RAI14: variants seen among roughly 807,000 people sequenced by gnomAD.
The protein encoded by RAI14 is ankycorbin.
A neutral mutation model predicts 115.4 loss-of-function variants in RAI14; 45 were observed. The observed-to-expected ratio is 0.39, with a 90% CI of 0.31 to 0.50. The LOEUF (loss-of-function observed/expected upper bound fraction) is 0.50, where lower values mean the gene tolerates loss of function less well. Among genes scored for constraint, RAI14 ranks in the 20% least tolerant of loss-of-function variants. The probability of loss-of-function intolerance (pLI) is 0.85; values close to 1 mark genes in which losing one functional copy is unlikely to be tolerated. For synonymous variants in RAI14, 371 were observed against 415.4 expected (o/e 0.89, Z 1.30); for missense variants, 939 against 1,131.2 (o/e 0.83, Z 2.44).
Position 34,827,536 on chromosome 5 carries a change from T to C in RAI14, c.2799+1057T>C, listed in dbSNP as rs112075515. 2.0e-5 allele frequency among the ~76,000 whole-genome samples: 3 copies of C among 152,320 alleles called. No individual in the cohort carries two copies. The highest frequency in any genetic ancestry group is 7.2e-5 in the African/African-American group (3 of 41,572). Reference sequence around the variant, plus strand: ...AACAGAACATGGATTTGATGATTTCTTCGGAATAGACCTAACTGTAGTGAA... The same window carrying C: ...AACAGAACATGGATTTGATGATTTCCTCGGAATAGACCTAACTGTAGTGAA... On this transcript the variant is annotated intron_variant, in intron 16 of 17. Coordinates refer to ENST00000265109, the MANE Select transcript of RAI14 (RefSeq NM_015577.3). The surrounding 1 kb of genome is among the most constrained non-coding windows in gnomAD (Gnocchi z 4.2).
intron 3 of RAI14, among the ~76,000 whole-genome samples, chr5:34,780,220 A>G (rs1364459613): frequency 6.6e-6 from 1 of 152,222 alleles, no homozygotes; most frequent in Non-Finnish European, 1.5e-5. Context: ...ACAAAAATTA[A>G]TTCAAGATGG....
chr5:34,673,263 G>A (rs1161965959), intron 1 of RAI14, among the ~76,000 whole-genome samples: 1 of 152,188 alleles, frequency 6.6e-6, no homozygotes, highest in East Asian at 1.9e-4. Flanking sequence ...TGACTGCACT[G>A]ATGTTAGAGG....
chr5:34,681,313 G>C (rs1278719562), intron 1 of RAI14, among the ~76,000 whole-genome samples: 1 of 152,200 alleles, frequency 6.6e-6, no homozygotes, highest in Non-Finnish European at 1.5e-5. Context: ...GACAAGGAGA[G>C]AAGGAGTGTA....
At chr5:34,809,911 T>C (rs1026441244) in intron 7 of RAI14, among the ~76,000 whole-genome samples, 1 of 152,190 alleles carries the variant, frequency 6.6e-6, no homozygotes, top group African/African-American at 2.4e-5. Context: ...TATATACCTA[T>C]CACATGGTTC....
At chr5:34,781,816 C>T (rs943030018) in intron 3 of RAI14, among the ~76,000 whole-genome samples, 2 of 152,172 alleles carry the variant, frequency 1.3e-5, no homozygotes, top group Non-Finnish European at 2.9e-5. Flanking sequence ...AACCCAGCAG[C>T]ACTAGAGGAA....
intron 12 of RAI14, among the ~76,000 whole-genome samples, chr5:34,816,275 GT>G (rs1217898398): frequency 6.6e-6 from 1 of 151,998 alleles, no homozygotes; most frequent in Non-Finnish European, 1.5e-5. Flanking sequence ...AAGTGCTAAA[GT>G]TTTTTTAAAA....
At chr5:34,682,622 A>G (rs1244271892) in intron 1 of RAI14, among the ~76,000 whole-genome samples, 4 of 152,146 alleles carry the variant, frequency 2.6e-5, no homozygotes, top group African/African-American at 7.2e-5. Context: ...TTCTGTGATG[A>G]GTGGTGGCCA....
At chr5:34,736,237 C>G (rs928921782) in intron 2 of RAI14, among the ~76,000 whole-genome samples, 1 of 152,150 alleles carries the variant, frequency 6.6e-6, no homozygotes, top group Non-Finnish European at 1.5e-5. Context: ...CCCGTCTCTA[C>G]TAAAACTACA....
intron 14 of RAI14, 32 bp downstream of exon 14, chr5:34,821,882 C>A: frequency 8.2e-7 from 1 of 1,226,314 alleles, no homozygotes; most frequent in Non-Finnish European, 1.2e-6. Context: ...ATGGACTATT[C>A]TGTAGAGTCA....
chr5:34,821,968 T>G (rs1178169235), intron 14 of RAI14, 118 bp downstream of exon 14: 1 of 533,042 alleles, frequency 1.9e-6, no homozygotes, highest in African/African-American at 1.9e-5. Flanking sequence ...ATATTAGCTT[T>G]AAGCATCTTA....
intron 2 of RAI14, among the ~76,000 whole-genome samples, chr5:34,753,928 A>AT (rs1554052142): frequency 1.3e-5 from 2 of 150,944 alleles, no homozygotes; most frequent in Non-Finnish European, 3.0e-5. Context: ...AAAAAAAAAA[A>AT]AAATTAGCCA....
chr5:34,757,378 G>T (rs868687300), intron 2 of RAI14, 90 bp from the exon 3 acceptor site: 1 of 1,405,328 alleles, frequency 7.1e-7, no homozygotes, highest in African/African-American at 1.4e-5. Context: ...AGTGACAGGA[G>T]GGTGGGGGCT....
chr5:34,801,704 G>A (rs1213190225), intron 4 of RAI14, among the ~76,000 whole-genome samples: 1 of 151,700 alleles, frequency 6.6e-6, no homozygotes, highest in East Asian at 1.9e-4. Context: ...TGGTGCCACT[G>A]CACTCCGGCC....
chr5:34,765,808 C>T (rs754083526), intron 3 of RAI14, among the ~76,000 whole-genome samples: 2 of 152,196 alleles, frequency 1.3e-5, no homozygotes, highest in African/African-American at 2.4e-5. Context: ...ACCTTCACGG[C>T]AGCCTCTCCC....
intron 2 of RAI14, among the ~76,000 whole-genome samples, chr5:34,737,343 C>T (rs957010419): frequency 7.9e-5 from 12 of 151,948 alleles, no homozygotes; most frequent in African/African-American, 2.2e-4. Context: ...GTAGTATTAG[C>T]GTAAAATTTT....
At chr5:34,740,331 A>G (rs1745348802) in intron 2 of RAI14, among the ~76,000 whole-genome samples, 1 of 152,182 alleles carries the variant, frequency 6.6e-6, no homozygotes, top group South Asian at 2.1e-4. Context: ...ACAAGACCAC[A>G]CGCTAGAGTT....
intron 1 of RAI14, among the ~76,000 whole-genome samples, chr5:34,670,512 T>A (rs1323891414): frequency 1.3e-5 from 2 of 152,214 alleles, no homozygotes; most frequent in African/African-American, 4.8e-5. Flanking sequence ...GGATAGCTAT[T>A]GTGGCTGTTA....
chr5:34,817,236 C>T (rs1756345741), intron 12 of RAI14, among the ~76,000 whole-genome samples: 2 of 137,690 alleles, frequency 1.5e-5, no homozygotes, highest in Admixed American at 1.7e-4. Flanking sequence ...AACATTGTGC[C>T]ACTGCACTCC....
In RAI14 at chr5:34,831,919, C is replaced by T. The variant is rs1411391969; in HGVS notation, c.*1154C>T. The T allele has an allele frequency of 2.0e-5, 3 of 152,122 alleles. No homozygotes were observed. The highest frequency in any genetic ancestry group is 4.4e-5 in the Non-Finnish European group (3 of 68,030). The allele number at this position is 152,122 out of a possible 1,614,324, so 9.4% of individuals were successfully genotyped here. On this transcript the variant is annotated 3_prime_UTR_variant, in exon 18 of 18. Coordinates refer to ENST00000265109, the MANE Select transcript of RAI14 (RefSeq NM_015577.3). ...TGAATGCCCTGACTCTACCAGCGCC[C>T]ATAAATGATCTCTAGAAGGACTGTT...
Sources: allele counts gnomAD v4.1 joint callset (sites outside exome capture counted in the v4.1 genomes callset), GRCh38; gene constraint gnomAD v4.1.1; non-coding constraint Gnocchi (gnomAD v3.1); transcripts MANE v1.5; gene names NCBI Gene and HGNC (gene_info 2026-07-23, HGNC 2026-07-21).